ADAM18: variants seen among roughly 807,000 people sequenced by gnomAD.
ADAM18 encodes ADAM metallopeptidase domain 18.
A neutral mutation model predicts 94.4 loss-of-function variants in ADAM18; 117 were observed. That is an observed-to-expected ratio of 1.24 (90% confidence interval 1.07 to 1.45). The LOEUF is 1.45. ADAM18 is among the 40% of genes most tolerant of loss of function. ADAM18 has a pLI of 0.00. For synonymous variants in ADAM18, 327 were observed against 291.6 expected (o/e 1.12, Z -1.24); for missense variants, 936 against 880.0 (o/e 1.06, Z -0.81).
rs753927641 is a variant in ADAM18, at chr8:39,587,698, G to T, written c.132+2346G>T. ...TGAACTCAAGTGATACACCAGACTC[G>T]GCCTCCCAAAGTGCTGGCATTACAG... On this transcript the variant is annotated intron_variant, in intron 2 of 19. Coordinates refer to ENST00000265707, the MANE Select transcript of ADAM18 (RefSeq NM_014237.3). Among the ~76,000 whole-genome samples, 6 of 151,950 alleles carry T rather than the reference G, an allele frequency of 3.9e-5. No homozygotes were observed. In the South Asian group the frequency reaches 1.0e-3, roughly 26 times the overall value.
In ADAM18 at chr8:39,584,653, C is replaced by T. The variant is rs1452472466; in HGVS notation, c.31C>T (p.Leu11Phe). MFLLLALLTE[L>F]GRLQAHEGSE... ...CCTTCTCCTCGCCCTCCTCACTGAG[C>T]TTGGAAGACTGCAAGCCCACGAAGG... The change falls in exon 1 of 20, where the codon CTT becomes TTT. Residue 11 changes from leucine (L) to phenylalanine (F), a missense_variant. Transcript: ENST00000265707. 6.2e-7 allele frequency: 1 copy of T among 1,613,438 alleles called. No homozygotes were observed. The highest frequency in any genetic ancestry group is 8.5e-7 in the Non-Finnish European group (1 of 1,180,038).
chr8:39,645,141 T>C (rs1304497493), intron 10 of ADAM18, among the ~76,000 whole-genome samples, 197 bp from the exon 11 acceptor site: 4 of 152,322 alleles, frequency 2.6e-5, no homozygotes, highest in Admixed American at 2.6e-4. Context: ...GAGACTATCA[T>C]AGTTTGATTA....
At chr8:39,669,901 C>A (rs1821106257) in intron 14 of ADAM18, among the ~76,000 whole-genome samples, 1 of 152,172 alleles carries the variant, frequency 6.6e-6, no homozygotes, top group South Asian at 2.1e-4. Context: ...CTGACTTCCA[C>A]AATGGTTGAA....
Position 39,706,843 on chromosome 8 carries a change from T to C in ADAM18, c.1956T>C (p.Asp652=), listed in dbSNP as rs375457577. 28 of 1,611,384 alleles carry C rather than the reference T, an allele frequency of 1.7e-5. No homozygotes were observed. The African/African-American group carries it at 2.5e-4, about 15-fold the overall frequency. Residue 652 remains aspartate (D), a synonymous_variant, in exon 18 of 20, where the codon GAT becomes GAC. Transcript: ENST00000265707. ...GCTTCCCTGGACATAGACCTCCAGA[T>C]TGTAAATTCCAGTTTGGTTCCCCAG... is the stretch of plus-strand genomic sequence containing the variant. The part of the protein sequence containing the change: ...CQCFPGHRPP[D]CKFQFGSPGG...
intron 19 of ADAM18, among the ~76,000 whole-genome samples, chr8:39,724,592 T>A (rs1307671588): frequency 6.6e-6 from 1 of 151,934 alleles, no homozygotes; most frequent in East Asian, 1.9e-4. Context: ...TTATCTACTT[T>A]TTTTTCCTTG....
At chr8:39,589,898 C>G (rs1362246327) in intron 2 of ADAM18, among the ~76,000 whole-genome samples, 1 of 150,964 alleles carries the variant, frequency 6.6e-6, no homozygotes, top group Non-Finnish European at 1.5e-5. Context: ...CCATCTCACA[C>G]CAGTTAGAAT....
At chr8:39,712,732 G>T (rs2129581504) in intron 18 of ADAM18, among the ~76,000 whole-genome samples, 1 of 152,172 alleles carries the variant, frequency 6.6e-6, no homozygotes, top group South Asian at 2.1e-4. Context: ...CAACTTACAA[G>T]GGATGTAAAG....
chr8:39,684,728 GTTTCTTATAA>G (rs1013726786), intron 16 of ADAM18, among the ~76,000 whole-genome samples: 11 of 152,288 alleles, frequency 7.2e-5, no homozygotes, highest in African/African-American at 1.2e-4. Context: ...TTCTTATATA[GTTTCTTATAA>G]TTTCTTATAA....
Position 39,599,840 on chromosome 8 carries a change from G to T in ADAM18, c.133-6467G>T, listed in dbSNP as rs560488196. Among the ~76,000 whole-genome samples, 30 of 150,536 alleles carry T rather than the reference G, an allele frequency of 2.0e-4. No homozygotes were observed. The South Asian group carries it at 5.9e-3, about 29-fold the overall frequency. On this transcript the variant is annotated intron_variant, in intron 2 of 19. Coordinates refer to ENST00000265707, the MANE Select transcript of ADAM18 (RefSeq NM_014237.3). The stretch of plus-strand genomic sequence containing the variant: ...TCATATATTACTTAGAATTTTTTCT[G>T]TGTATTATCATGTGTTTTGAAGATT...
At chr8:39,691,128 G>A (rs568593950) in intron 16 of ADAM18, among the ~76,000 whole-genome samples, 4 of 152,100 alleles carry the variant, frequency 2.6e-5, no homozygotes, top group African/African-American at 7.2e-5. Context: ...TCTCTTACAC[G>A]CATATATTAA....
intron 2 of ADAM18, among the ~76,000 whole-genome samples, chr8:39,595,329 A>C (rs914919027): frequency 2.6e-5 from 4 of 152,128 alleles, no homozygotes; most frequent in Admixed American, 6.5e-5. Context: ...CACTACAAGG[A>C]GGGACTGCAA....
chr8:39,661,618 C>T (rs529591979), intron 12 of ADAM18, among the ~76,000 whole-genome samples: 5 of 151,988 alleles, frequency 3.3e-5, no homozygotes, highest in Admixed American at 1.3e-4. Flanking sequence ...TCCACCATGC[C>T]AAGACTATAA....
In ADAM18 at chr8:39,585,380, A is replaced by G. The variant is rs1244702655; in HGVS notation, c.132+28A>G. The G allele has an allele frequency of 4.5e-6, 7 of 1,547,258 alleles. No homozygotes were observed. The African/African-American group carries it at 5.5e-5, about 12-fold the overall frequency. ...AAATGATGAGGAATATTTATTCTAT[A>G]TTTAAAGCTTTATGGCAATTTTTAT... On this transcript the variant is annotated intron_variant, in intron 2 of 19. Transcript: ENST00000265707.
intron 6 of ADAM18, among the ~76,000 whole-genome samples, chr8:39,617,565 T>C (rs1231795045): frequency 6.6e-6 from 1 of 152,146 alleles, no homozygotes. Context: ...CTATTCACAG[T>C]AGCAAAGACA....
Position 39,677,548 on chromosome 8 carries a change from GA to G in ADAM18, c.1631+16del. The G allele has an allele frequency of 6.5e-7, 1 of 1,549,294 alleles. No homozygotes were observed. Among genetic ancestry groups the G allele is most frequent in the Admixed American group, 2.0e-5 (1 of 49,106 alleles). ...CCTTGTGAACGGAAGTACGTATGTA[GA>G]AAATGATTGCTTCTTTGAATCATAA... is the stretch of plus-strand genomic sequence containing the variant. On this transcript the variant is annotated intron_variant, in intron 15 of 19. Coordinates refer to ENST00000265707, the MANE Select transcript of ADAM18 (RefSeq NM_014237.3).
At chr8:39,661,632 A>C (rs954680690) in intron 12 of ADAM18, among the ~76,000 whole-genome samples, 1 of 152,074 alleles carries the variant, frequency 6.6e-6, no homozygotes, top group African/African-American at 2.4e-5. Flanking sequence ...ACTATAAAAC[A>C]GTATCAGTAC....
At chr8:39,659,029 C>A (rs1176708536) in intron 12 of ADAM18, among the ~76,000 whole-genome samples, 2 of 152,064 alleles carry the variant, frequency 1.3e-5, no homozygotes, top group African/African-American at 2.4e-5. Context: ...AACTTGATCT[C>A]TTGCTAGAAA....
At chr8:39,659,268 A>T (rs1401685965) in intron 12 of ADAM18, among the ~76,000 whole-genome samples, 1 of 152,050 alleles carries the variant, frequency 6.6e-6, no homozygotes, top group Admixed American at 6.5e-5. Flanking sequence ...TAGTTGTTTG[A>T]TAGCTAAAAT....
chr8:39,716,314 T>G (rs534089686), intron 18 of ADAM18, among the ~76,000 whole-genome samples: 1 of 152,000 alleles, frequency 6.6e-6, no homozygotes, highest in Non-Finnish European at 1.5e-5. Flanking sequence ...TTCTCTCTCA[T>G]TTTTTAAAAT....
Sources: allele counts gnomAD v4.1 joint callset (sites outside exome capture counted in the v4.1 genomes callset), GRCh38; gene constraint gnomAD v4.1.1; transcripts MANE v1.5; gene names NCBI Gene and HGNC (gene_info 2026-07-23, HGNC 2026-07-21).